ZNF618: variants seen among roughly 807,000 people sequenced by gnomAD.
ZNF618 encodes neural precursor cell expressed, developmentally down-regulated 10.
Under a neutral mutation model 103.0 loss-of-function variants are expected in ZNF618, and 34 were observed. The observed-to-expected ratio is 0.33, with a 90% confidence interval of 0.25 to 0.44. The LOEUF (loss-of-function observed/expected upper bound fraction) is 0.44, where lower values mean the gene tolerates loss of function less well. Ranked by LOEUF, ZNF618 falls within the 20% of genes least tolerant of loss-of-function variation. The pLI is 1.00. For synonymous variants in ZNF618, 551 were observed against 542.2 expected (o/e 1.02, Z -0.23); for missense variants, 1,059 against 1,295.4 (o/e 0.82, Z 2.80).
chr9:113,967,210 A>C (rs1347537456), intron 1 of ZNF618, among the ~76,000 whole-genome samples: 1 of 152,228 alleles, frequency 6.6e-6, no homozygotes, highest in Non-Finnish European at 1.5e-5. Context: ...CAGAATTTCC[A>C]CCCGTACCAC....
chr9:113,991,670 C>T (rs1047213443), intron 3 of ZNF618, among the ~76,000 whole-genome samples: 12 of 152,140 alleles, frequency 7.9e-5, no homozygotes, highest in Admixed American at 6.5e-4. Context: ...GGAATAAAGT[C>T]GGTGCAGGAT....
chr9:114,024,184 C>A (rs1843299573), intron 10 of ZNF618, among the ~76,000 whole-genome samples: 2 of 152,164 alleles, frequency 1.3e-5, no homozygotes, highest in Admixed American at 6.5e-5. Context: ...GTTCACTGAT[C>A]TTCTCTTCTG....
At position 113,887,812 on chromosome 9, in the gene ZNF618, T is replaced by C. The variant is rs1587936567; in HGVS notation, c.33+11399T>C. ...ATGTTTTGAAAGGAAGTTTGAGCCA[T>C]GTGTTGGAAATTCAGCTTTATAAAA... On this transcript the variant is annotated intron_variant, in intron 1 of 14. Coordinates refer to ENST00000374126, the MANE Select transcript of ZNF618 (RefSeq NM_001318042.2). Among the ~76,000 whole-genome samples the C allele has an allele frequency of 2.0e-5, 3 of 152,348 alleles. No individual in the cohort carries two copies. In the East Asian group the frequency reaches 5.8e-4, roughly 29 times the overall value.
At chr9:113,951,698 T>C (rs1835797986) in intron 1 of ZNF618, among the ~76,000 whole-genome samples, 1 of 151,720 alleles carries the variant, frequency 6.6e-6, no homozygotes, top group Admixed American at 6.6e-5. Context: ...GAGGGGCCTC[T>C]TGAGTACATA....
At chr9:113,935,305 C>T (rs1833939503) in intron 1 of ZNF618, among the ~76,000 whole-genome samples, 1 of 152,150 alleles carries the variant, frequency 6.6e-6, no homozygotes, top group African/African-American at 2.4e-5. Flanking sequence ...GCAGCGGGTT[C>T]ACTAAGAGGA....
intron 1 of ZNF618, among the ~76,000 whole-genome samples, chr9:113,877,684 T>C (rs1828087781): frequency 6.6e-6 from 1 of 152,126 alleles, no homozygotes; most frequent in African/African-American, 2.4e-5. Flanking sequence ...TTTGATGGAA[T>C]AATTAAGACT....
intron 7 of ZNF618, 84 bp downstream of exon 7, chr9:114,007,523 C>A: frequency 7.6e-7 from 1 of 1,318,140 alleles, no homozygotes; most frequent in African/African-American, 1.5e-5. Context: ...CCCCGCCTCC[C>A]TCCTCCCTCT....
intron 1 of ZNF618, among the ~76,000 whole-genome samples, chr9:113,903,782 A>C (rs976297372): frequency 6.6e-6 from 1 of 151,906 alleles, no homozygotes; most frequent in Non-Finnish European, 1.5e-5. Context: ...CTTGTTTCTG[A>C]TGGAAAGTTG....
intron 2 of ZNF618, among the ~76,000 whole-genome samples, chr9:113,974,981 T>C (rs568423923): frequency 2.0e-5 from 3 of 152,324 alleles, no homozygotes; most frequent in African/African-American, 7.2e-5. Flanking sequence ...GACGATTAGG[T>C]GTAATAATAT....
At chr9:113,963,547 TC>T in intron 1 of ZNF618, among the ~76,000 whole-genome samples, 1 of 152,260 alleles carries the variant, frequency 6.6e-6, no homozygotes, top group East Asian at 1.9e-4. Context: ...TTCAAAATTG[TC>T]CCCTAGTGGA....
chr9:114,003,498 G>C (rs1457521434), intron 6 of ZNF618, among the ~76,000 whole-genome samples: 3 of 152,212 alleles, frequency 2.0e-5, no homozygotes, highest in Non-Finnish European at 2.9e-5. Flanking sequence ...AGTAAGTCTA[G>C]TGACACAAAA....
At position 114,049,203 on chromosome 9, in the gene ZNF618, G is replaced by A. The variant is rs373497412; in HGVS notation, c.1901G>A (p.Arg634His). ...TTCTCCAAGGCCGGCATGTGCCTTC[G>A]CTGCTCAGCCTGTGCCTTGAACTCG... ...SAFSKAGMCL[R>H]CSACALNSVV... Residue 634 changes from arginine (R) to histidine (H), a missense_variant, in exon 15 of 15, where the codon CGC (arginine) becomes CAC (histidine). This residue lies in a region of ZNF618 where 272 missense variants were observed against 380.1 expected (regional missense o/e 0.72). Coordinates refer to ENST00000374126, the MANE Select transcript of ZNF618 (RefSeq NM_001318042.2). The A allele has an allele frequency of 1.3e-5, 21 of 1,613,546 alleles. No homozygotes were observed. The highest frequency in any genetic ancestry group is 2.2e-5 in the East Asian group (1 of 44,892).
chr9:114,006,030 C>T (rs1841722729), intron 6 of ZNF618, among the ~76,000 whole-genome samples: 1 of 152,222 alleles, frequency 6.6e-6, no homozygotes, highest in Admixed American at 6.5e-5. Context: ...GGGGCTCTGG[C>T]ACCTGCTAAG....
intron 1 of ZNF618, among the ~76,000 whole-genome samples, chr9:113,917,304 G>A (rs1832214623): frequency 7.0e-6 from 1 of 143,328 alleles, no homozygotes; most frequent in Non-Finnish European, 1.5e-5. Flanking sequence ...GCAGTGCAGT[G>A]GCTAAGTCTC....
intron 9 of ZNF618, among the ~76,000 whole-genome samples, chr9:114,014,148 G>T (rs1842474390): frequency 6.6e-6 from 1 of 152,112 alleles, no homozygotes; most frequent in Non-Finnish European, 1.5e-5. Flanking sequence ...CAAACAAGTG[G>T]GAATTAAGGC....
intron 1 of ZNF618, among the ~76,000 whole-genome samples, chr9:113,967,154 C>T (rs981059303): frequency 5.3e-5 from 8 of 152,154 alleles, no homozygotes; most frequent in East Asian, 1.9e-4. Flanking sequence ...GTCTGAAAGG[C>T]GAGAGATCCA....
rs999036248 is a variant in ZNF618, at chr9:113,907,247, G to C, written c.33+30834G>C. Among the ~76,000 whole-genome samples the C allele has an allele frequency of 2.7e-4, 41 of 152,226 alleles. 1 individual carries two copies. The highest frequency in any genetic ancestry group is 2.9e-5 in the Non-Finnish European group (2 of 68,032). On this transcript the variant is annotated intron_variant, in intron 1 of 14. Coordinates refer to ENST00000374126, the MANE Select transcript of ZNF618 (RefSeq NM_001318042.2). ...ACCACTTAGGTTGTGGGGACCTGAA[G>C]GGATGAGATAGTTCTGTACTGTAAG...
At chr9:113,955,307 A>C (rs1214277192) in intron 1 of ZNF618, among the ~76,000 whole-genome samples, 51 of 143,008 alleles carry the variant, frequency 3.6e-4, no homozygotes, top group Admixed American at 4.9e-4. Flanking sequence ...TCCACACCCC[A>C]CCCCCACACT....
chr9:114,027,153 G>C (rs1843579603), intron 10 of ZNF618, among the ~76,000 whole-genome samples: 1 of 152,202 alleles, frequency 6.6e-6, no homozygotes, highest in African/African-American at 2.4e-5. Flanking sequence ...CACCTGGTGG[G>C]ACTCAGGGGC....
Sources: gnomAD v4.1 joint callset for allele counts (sites outside exome capture counted in the v4.1 genomes callset) on GRCh38, gnomAD v4.1.1 for gene constraint, gnomAD v4.1.1 regional missense constraint, MANE v1.5 for transcripts, NCBI Gene and HGNC (gene_info 2026-07-23, HGNC 2026-07-21) for gene names.